LRTM1: variants seen among roughly 807,000 people sequenced by gnomAD.
LRTM1 encodes the protein leucine rich repeat transmembrane protein 1, also known as leucine-rich repeat and transmembrane domain-containing protein 1.
LRTM1 carries 38 observed loss-of-function variants against 32.4 expected under a neutral mutation model. That is an observed-to-expected ratio of 1.17 (90% CI 0.91 to 1.54). The LOEUF (loss-of-function observed/expected upper bound fraction) is 1.54, where lower values mean the gene tolerates loss of function less well. LRTM1 is among the 40% of genes most tolerant of loss of function. LRTM1 has a pLI of 0.00. For synonymous variants in LRTM1, 186 were observed against 169.9 expected, an observed-to-expected ratio of 1.09 and a Z score of -0.74; for missense variants, 466 against 415.4, an observed-to-expected ratio of 1.12 and a Z score of -1.06.
chr3:54,928,122 G>C (rs1233844153), upstream of LRTM1: 2 of 560,170 alleles, frequency 3.6e-6, no homozygotes, highest in African/African-American at 3.8e-5. Flanking sequence ...ATCTGGCTGG[G>C]ATCAGTTTCC....
intron 2 of LRTM1, among the ~76,000 whole-genome samples, chr3:54,923,402 TC>T (rs1700909824): frequency 6.6e-6 from 1 of 152,098 alleles, no homozygotes; most frequent in Non-Finnish European, 1.5e-5. Flanking sequence ...GGCTCATTCC[TC>T]CTCAGTCTTT....
intron 1 of LRTM1, among the ~76,000 whole-genome samples, chr3:54,949,997 G>GA (rs1473766385): frequency 6.6e-6 from 1 of 152,160 alleles, no homozygotes; most frequent in Non-Finnish European, 1.5e-5. Flanking sequence ...TCCTTTAGGG[G>GA]AAAAGAAAAA....
At chr3:54,936,314 T>C (rs1701327138) in intron 1 of LRTM1, among the ~76,000 whole-genome samples, 1 of 152,186 alleles carries the variant, frequency 6.6e-6, no homozygotes, top group Non-Finnish European at 1.5e-5. Context: ...CAAAGGAGTA[T>C]TCTGCCCGTG....
chr3:54,939,980 A>G (rs762391135), intron 1 of LRTM1, among the ~76,000 whole-genome samples: 3 of 152,218 alleles, frequency 2.0e-5, no homozygotes, highest in Non-Finnish European at 4.4e-5. Context: ...TGCAGAGGAC[A>G]GGATGCCTCT....
At chr3:54,963,058 A>C (rs1177127852) in intron 1 of LRTM1, among the ~76,000 whole-genome samples, 3 of 152,246 alleles carry the variant, frequency 2.0e-5, no homozygotes, top group African/African-American at 7.2e-5. Flanking sequence ...TCTTGAATGC[A>C]TTTAAACATA....
chr3:54,932,982 G>C (rs1209391056), upstream of LRTM1, among the ~76,000 whole-genome samples: 1 of 152,092 alleles, frequency 6.6e-6, no homozygotes, highest in African/African-American at 2.4e-5. Flanking sequence ...TGACCAAACG[G>C]CACCCAGGTA....
At chr3:54,956,346 G>A (rs1336186827) in intron 1 of LRTM1, among the ~76,000 whole-genome samples, 1 of 152,226 alleles carries the variant, frequency 6.6e-6, no homozygotes, top group Non-Finnish European at 1.5e-5. Context: ...GGAAAAGAAA[G>A]TGATGGTCTT....
intron 1 of LRTM1, among the ~76,000 whole-genome samples, chr3:54,954,436 C>T (rs965032430): frequency 1.3e-5 from 2 of 152,240 alleles, no homozygotes; most frequent in African/African-American, 2.4e-5. Flanking sequence ...GCAGAATACT[C>T]CTCACTGCTC....
chr3:54,966,761 G>T (rs982440051), intron 1 of LRTM1, among the ~76,000 whole-genome samples: 1 of 152,184 alleles, frequency 6.6e-6, no homozygotes, highest in Admixed American at 6.5e-5. Context: ...AGAGGTTGCA[G>T]TGAGCTGAGA....
In LRTM1 at chr3:54,925,040, C is replaced by T. The variant is rs746567798; in HGVS notation, c.183G>A (p.Gln61=). ...QTRTLHLQDN[Q]IHHLPAFAFR... is the part of the protein sequence containing the mutation. ...ATGCAAAAGCAGGAAGATGGTGTAT[C>T]TGATTATCTTGTAAATGCAGCGTTC... The change falls in exon 2 of 3, where the codon CAG becomes CAA. Residue 61 remains glutamine, a synonymous_variant. Transcript: ENST00000273286. 3.1e-6 allele frequency: 5 copies of T among 1,614,110 alleles called. No individual in the cohort carries two copies. The highest frequency in any genetic ancestry group is 4.2e-6 in the Non-Finnish European group (5 of 1,180,010).
upstream of LRTM1, among the ~76,000 whole-genome samples, chr3:54,929,851 C>T (rs1307529264): frequency 1.3e-5 from 2 of 152,132 alleles, no homozygotes; most frequent in East Asian, 1.9e-4. Context: ...CAATGGCCCC[C>T]ATTAGCATTC....
At chr3:54,925,623 G>A (rs1700991849) in intron 1 of LRTM1, among the ~76,000 whole-genome samples, 1 of 152,224 alleles carries the variant, frequency 6.6e-6, no homozygotes, top group African/African-American at 2.4e-5. Flanking sequence ...TTTCTGTAAA[G>A]TATGCTGCAG....
intron 2 of LRTM1, among the ~76,000 whole-genome samples, 163 bp downstream of exon 2, chr3:54,924,456 A>G (rs1183351578): frequency 6.6e-6 from 1 of 152,118 alleles, no homozygotes; most frequent in Non-Finnish European, 1.5e-5. Context: ...CCTTCTAATG[A>G]CTCACTTGAC....
At chr3:54,934,309 G>GCTC (rs1326430509) in intron 1 of LRTM1, among the ~76,000 whole-genome samples, 1 of 152,168 alleles carries the variant, frequency 6.6e-6, no homozygotes, top group African/African-American at 2.4e-5. Flanking sequence ...GACTCAGGAG[G>GCTC]TGAGAACATA....
chr3:54,922,032 G>A (rs1271616141), intron 2 of LRTM1, among the ~76,000 whole-genome samples: 1 of 151,916 alleles, frequency 6.6e-6, no homozygotes, highest in African/African-American at 2.4e-5. Context: ...AGTTATGTTG[G>A]GACATCCAGG....
upstream of LRTM1, among the ~76,000 whole-genome samples, chr3:54,931,590 G>A (rs555208620): frequency 1.1e-3 from 174 of 152,252 alleles, no homozygotes; most frequent in Non-Finnish European, 2.3e-3. Flanking sequence ...CACTATGAGG[G>A]TCTCCTGGCC....
chr3:54,921,125 A>G (rs1217337461), intron 2 of LRTM1, among the ~76,000 whole-genome samples: 1 of 152,206 alleles, frequency 6.6e-6, no homozygotes, highest in Non-Finnish European at 1.5e-5. Flanking sequence ...AATGTAACTG[A>G]CAATGCAAGA....
chr3:54,936,929 G>A (rs1000187815), intron 1 of LRTM1, among the ~76,000 whole-genome samples: 6 of 152,096 alleles, frequency 3.9e-5, no homozygotes, highest in African/African-American at 7.2e-5. Flanking sequence ...TCACTGCTAC[G>A]GCTGATGTTT....
intron 1 of LRTM1, among the ~76,000 whole-genome samples, chr3:54,926,540 AC>A (rs2106944920): frequency 7.0e-6 from 1 of 143,288 alleles, no homozygotes; most frequent in African/African-American, 2.7e-5. Flanking sequence ...ACACACACAC[AC>A]ACACACACAC....
Sources: allele counts gnomAD v4.1 joint callset (sites outside exome capture counted in the v4.1 genomes callset), GRCh38; gene constraint gnomAD v4.1.1; transcripts MANE v1.5; gene names NCBI Gene and HGNC (gene_info 2026-07-23, HGNC 2026-07-21).